Variants in FAM184B observed in about 807,000 individuals in gnomAD.
The protein encoded by FAM184B is family with sequence similarity 184 member B, also known as protein FAM184B.
A neutral mutation model predicts 135.9 loss-of-function variants in FAM184B; 111 were observed. That is an observed-to-expected ratio of 0.82 (90% CI 0.70 to 0.96). FAM184B has a LOEUF of 0.96. Ranked by LOEUF, FAM184B falls within the 40% of genes least tolerant of loss-of-function variation. The pLI is 0.00. For synonymous variants in FAM184B, 552 were observed against 524.8 expected (o/e 1.05, Z -0.71); for missense variants, 1,375 against 1,323.9 (o/e 1.04, Z -0.60).
chr4:17,775,602 C>T (rs552144536), intron 1 of FAM184B, among the ~76,000 whole-genome samples: 1 of 152,300 alleles, frequency 6.6e-6, no homozygotes, highest in South Asian at 2.1e-4. Flanking sequence ...TCAACTGACC[C>T]AATCATCTCT....
intron 1 of FAM184B, among the ~76,000 whole-genome samples, chr4:17,732,722 A>G (rs1717811009): frequency 6.6e-6 from 1 of 152,200 alleles, no homozygotes; most frequent in Admixed American, 6.5e-5. Context: ...AAAGTCCAGG[A>G]CCAGATGGAT....
rs77200907 is a variant in FAM184B, at chr4:17,762,592, G to T, written c.141+18567C>A. Among the ~76,000 whole-genome samples the T allele has an allele frequency of 1.7e-4, 26 of 152,258 alleles. No homozygotes were observed. The East Asian group carries it at 4.6e-3, about 27-fold the overall frequency. ...CTCTGCCTGTGTTTGCATCACATTC[G>T]ATCGACCAAAGCAAGTTGCAAAAAG... On this transcript the variant is annotated intron_variant, in intron 1 of 17. Transcript: ENST00000265018.
intron 1 of FAM184B, among the ~76,000 whole-genome samples, chr4:17,711,336 G>A (rs1418232610): frequency 1.3e-5 from 2 of 151,932 alleles, no homozygotes; most frequent in South Asian, 2.1e-4. Flanking sequence ...AAAATTAGCC[G>A]GGCGTGGGGT....
chr4:17,750,825 A>G (rs560016071), intron 1 of FAM184B, among the ~76,000 whole-genome samples: 2 of 152,216 alleles, frequency 1.3e-5, no homozygotes, highest in East Asian at 3.9e-4. Flanking sequence ...AGTTTTGTTC[A>G]GCTGTTCCCC....
chr4:17,661,913 A>C (rs1479487188), intron 8 of FAM184B, among the ~76,000 whole-genome samples: 1 of 152,256 alleles, frequency 6.6e-6, no homozygotes, highest in Non-Finnish European at 1.5e-5. Context: ...AGTGAAGTGC[A>C]CAGATCTTAA....
At chr4:17,692,278 C>T (rs903825323) in intron 6 of FAM184B, among the ~76,000 whole-genome samples, 2 of 152,098 alleles carry the variant, frequency 1.3e-5, no homozygotes, top group Non-Finnish European at 2.9e-5. Flanking sequence ...AGAAAGGCTT[C>T]TTTGCTGTGC....
At chr4:17,696,979 T>C (rs549373005) in intron 5 of FAM184B, among the ~76,000 whole-genome samples, 1 of 152,288 alleles carries the variant, frequency 6.6e-6, no homozygotes, top group South Asian at 2.1e-4. Flanking sequence ...AACTATTTAA[T>C]ACATTATAAC....
chr4:17,766,120 AC>A (rs1218080750), intron 1 of FAM184B, among the ~76,000 whole-genome samples: 1 of 152,294 alleles, frequency 6.6e-6, no homozygotes, highest in East Asian at 1.9e-4. Context: ...TGGGAAGGTA[AC>A]CTAACCAGGT....
intron 1 of FAM184B, 78 bp from the exon 2 acceptor site, chr4:17,709,722 T>C (rs1717213367): frequency 2.3e-6 from 3 of 1,304,544 alleles, no homozygotes; most frequent in Admixed American, 3.2e-5. Flanking sequence ...AGCAATATTC[T>C]CCTGCATGGC....
chr4:17,765,425 G>A (rs1456291545), intron 1 of FAM184B, among the ~76,000 whole-genome samples: 1 of 152,030 alleles, frequency 6.6e-6, no homozygotes, highest in African/African-American at 2.4e-5. Flanking sequence ...TATTAATATT[G>A]ATTATAATAT....
chr4:17,633,494 C>T (rs1193649856), intron 17 of FAM184B, 195 bp downstream of exon 17: 3 of 501,692 alleles, frequency 6.0e-6, no homozygotes, highest in Non-Finnish European at 1.0e-5. Flanking sequence ...GAATTCAGAC[C>T]TCCAGGCCAG....
intron 1 of FAM184B, among the ~76,000 whole-genome samples, chr4:17,764,187 G>A (rs1718605199): frequency 6.6e-6 from 1 of 152,190 alleles, no homozygotes; most frequent in South Asian, 2.1e-4. Flanking sequence ...AACACACCAA[G>A]GAAAACGGAA....
chr4:17,660,830 A>C (rs1715901075), intron 8 of FAM184B, among the ~76,000 whole-genome samples: 1 of 152,072 alleles, frequency 6.6e-6, no homozygotes, highest in African/African-American at 2.4e-5. Context: ...AGAGATTGCC[A>C]GGTGATGAGC....
intron 5 of FAM184B, 114 bp downstream of exon 5, chr4:17,704,886 C>T (rs911732642): frequency 2.5e-5 from 22 of 880,776 alleles, no homozygotes; most frequent in South Asian, 1.1e-4. Flanking sequence ...TACATTTGTA[C>T]AGAGCAGGAG....
At chr4:17,653,604 C>T (rs1715693469) in intron 10 of FAM184B, among the ~76,000 whole-genome samples, 1 of 152,032 alleles carries the variant, frequency 6.6e-6, no homozygotes, top group African/African-American at 2.4e-5. Flanking sequence ...TTACTGAAGT[C>T]CCACTGTGTG....
rs1213795602 is a variant in FAM184B, at chr4:17,781,202, T to C, written c.98A>G (p.Gln33Arg). The change falls in exon 1 of 18, where the codon CAG becomes CGG. Residue 33 changes from glutamine (Q) to arginine (R), a missense_variant. Transcript: ENST00000265018. This position sits in a 1 kb window ranked among gnomAD's most constrained non-coding sequence, Gnocchi z 6.5. Reference protein sequence around the residue: ...GAGWRMDCDPQMHVKMCKKIA... With the variant: ...GAGWRMDCDPRMHVKMCKKIA... The stretch of plus-strand genomic sequence containing the variant: ...CTTCTTGCACATTTTCACGTGCATC[T>C]GGGGATCACAGTCCATTCTCCAGCC... 3 of 1,550,520 alleles carry C rather than the reference T, an allele frequency of 1.9e-6. No homozygotes were observed. The highest frequency in any genetic ancestry group is 3.9e-5 in the Admixed American group (2 of 50,832).
At chr4:17,642,030 G>T (rs1277489157) in intron 13 of FAM184B, 26 bp downstream of exon 13, 1 of 1,511,878 alleles carries the variant, frequency 6.6e-7, no homozygotes, top group South Asian at 1.2e-5. Context: ...GGGTGGCGCG[G>T]TGGCGGGGCG....
At chr4:17,656,951 A>G (rs182006661) in intron 10 of FAM184B, among the ~76,000 whole-genome samples, 2 of 152,242 alleles carry the variant, frequency 1.3e-5, no homozygotes, top group East Asian at 3.9e-4. Context: ...TTGTCTTCCT[A>G]CTACAGTAGA....
intron 1 of FAM184B, among the ~76,000 whole-genome samples, chr4:17,722,799 G>A (rs982806291): frequency 1.3e-5 from 2 of 152,206 alleles, no homozygotes; most frequent in Admixed American, 6.5e-5. Context: ...TTTTTGGAAA[G>A]CACCTTTGGT....
Sources: gnomAD v4.1 joint callset for allele counts (sites outside exome capture counted in the v4.1 genomes callset) on GRCh38, gnomAD v4.1.1 for gene constraint, Gnocchi (gnomAD v3.1) non-coding constraint, MANE v1.5 for transcripts, NCBI Gene and HGNC (gene_info 2026-07-23, HGNC 2026-07-21) for gene names.